Variants in OGFR observed in about 807,000 individuals in gnomAD.
The protein encoded by OGFR is opioid growth factor receptor, also known as protein 7-60.
A neutral mutation model predicts 33.6 loss-of-function variants in OGFR; 18 were observed. That is an observed-to-expected ratio of 0.54 (90% CI 0.37 to 0.80). The LOEUF (loss-of-function observed/expected upper bound fraction) is 0.80. Ranked by LOEUF, OGFR falls within the 30% of genes least tolerant of loss-of-function variation. OGFR has a pLI of 0.00. For synonymous variants in OGFR, 370 were observed against 400.7 expected (o/e 0.92, Z 0.91); for missense variants, 877 against 955.8 (o/e 0.92, Z 1.09).
At chr20:62,810,636 C>T (rs1990704766) in intron 5 of OGFR, 71 bp downstream of exon 5, 13 of 1,473,714 alleles carry the variant, frequency 8.8e-6, no homozygotes, top group Admixed American at 3.4e-5. Flanking sequence ...GCTGCAGAGA[C>T]GGGGTCGCCT....
chr20:62,812,977 G>A lies in OGFR; in HGVS notation c.1362G>A (p.Lys454=). The change falls in exon 7 of 7, where the codon AAG becomes AAA. Residue 454 remains lysine, a synonymous_variant. Coordinates refer to ENST00000290291, the MANE Select transcript of OGFR (RefSeq NM_007346.4). ...CCCTGGGAGCCAGGGTGGCCGACAA[G>A]GTGAGGAAGCGGAGGAAGGTGGATG... The part of the protein sequence containing the change: ...RQPLGARVAD[K]VRKRRKVDEG... 6.2e-7 allele frequency: 1 copy of A among 1,612,296 alleles called. No individual in the cohort carries two copies. Among genetic ancestry groups the A allele is most frequent in the Non-Finnish European group, 8.5e-7 (1 of 1,179,734 alleles).
chr20:62,808,947 C>T (rs551319041), intron 3 of OGFR, among the ~76,000 whole-genome samples: 148 of 133,876 alleles, frequency 1.1e-3, no homozygotes, highest in African/African-American at 3.9e-3. Context: ...TGCCCTCCAG[C>T]CTGGGCAACA....
In OGFR at chr20:62,813,629, G is replaced by A; in HGVS notation, c.2014G>A (p.Ala672Thr). ...ELQDAEVESS[A>T]KSGKP ...GCAGGACGCAGAGGTGGAGTCTTCT[G>A]CCAAGTCTGGGAAGCCTTAAGGAAA... is the stretch of plus-strand genomic sequence containing the variant. Residue 672 changes from alanine (A) to threonine (T), a missense_variant, in exon 7 of 7, where the codon GCC becomes ACC. Ala to Thr is a moderately conservative substitution (Grantham distance 58). Transcript: ENST00000290291. The A allele has an allele frequency of 6.2e-7, 1 of 1,612,656 alleles. No individual in the cohort carries two copies. The highest frequency in any genetic ancestry group is 8.5e-7 in the Non-Finnish European group (1 of 1,179,826).
intron 1 of OGFR, chr20:62,807,164 T>G: frequency 3.7e-6 from 1 of 268,334 alleles, no homozygotes. Flanking sequence ...AGGGTGGAGG[T>G]GGCCAGCAGG....
chr20:62,812,790 G>A lies in OGFR; in HGVS notation c.1175G>A (p.Arg392Gln), dbSNP rs748831200. 7 of 1,612,554 alleles carry A rather than the reference G, an allele frequency of 4.3e-6. No individual in the cohort carries two copies. Among genetic ancestry groups the A allele is most frequent in the African/African-American group, 1.3e-5 (1 of 75,056 alleles). Residue 392 changes from arginine to glutamine, a missense_variant, in exon 7 of 7, where the codon CGG (arginine) becomes CAG (glutamine). Coordinates refer to ENST00000290291, the MANE Select transcript of OGFR (RefSeq NM_007346.4). Reference protein sequence around the residue: ...SKKRKLELSRREQPPTEPGPQ... With the variant: ...SKKRKLELSRQEQPPTEPGPQ... The stretch of plus-strand genomic sequence containing the variant: ...AAGAGGAAGCTGGAGCTGAGCCGGC[G>A]GGAGCAGCCGCCCACAGAGCCAGGC...
intron 2 of OGFR, 140 bp from the exon 3 acceptor site, chr20:62,808,107 C>T (rs1990638162): frequency 6.6e-6 from 5 of 754,370 alleles, no homozygotes; most frequent in South Asian, 5.6e-5. Context: ...CCCCCACCTG[C>T]AGAGTGAGGA....
In OGFR at chr20:62,810,551, C is replaced by A. The variant is rs979341239; in HGVS notation, c.451C>A (p.Leu151Ile). ...GVNWHAKPLT[L>I]REVEVFKSSQ... The stretch of plus-strand genomic sequence containing the variant: ...GAACTGGCATGCCAAGCCCCTCACG[C>A]TCAGGGAGGTCGAGGTGAGCCAGGC... Residue 151 changes from leucine to isoleucine, a missense_variant, in exon 5 of 7, where the codon CTC becomes ATC. Coordinates refer to ENST00000290291, the MANE Select transcript of OGFR (RefSeq NM_007346.4). The A allele has an allele frequency of 6.2e-7, 1 of 1,612,866 alleles. No homozygotes were observed. Among genetic ancestry groups the A allele is most frequent in the African/African-American group, 1.3e-5 (1 of 74,950 alleles).
intron 2 of OGFR, 105 bp downstream of exon 2, chr20:62,807,710 C>T: frequency 1.7e-6 from 2 of 1,182,392 alleles, no homozygotes; most frequent in South Asian, 1.3e-5. Context: ...CTTGCTGTGC[C>T]AGGGCCACAG....
At chr20:62,805,055 G>T in intron 1 of OGFR, 25 bp downstream of exon 1, 1 of 1,303,906 alleles carries the variant, frequency 7.7e-7, no homozygotes, top group African/African-American at 1.6e-5. Context: ...CGCGGAAGAG[G>T]CCTGGGGTCC....
At chr20:62,809,396 G>A (rs943965767) in intron 3 of OGFR, among the ~76,000 whole-genome samples, 189 bp from the exon 4 acceptor site, 8 of 152,258 alleles carry the variant, frequency 5.3e-5, no homozygotes, top group African/African-American at 1.7e-4. Flanking sequence ...GGCAAGGGCT[G>A]TGCATCGGAG....
chr20:62,809,929 G>T (rs966662639), intron 4 of OGFR, among the ~76,000 whole-genome samples: 19 of 152,258 alleles, frequency 1.2e-4, no homozygotes, highest in Non-Finnish European at 2.1e-4. Flanking sequence ...AACAGGAGAG[G>T]GGGCAGGCAC....
At chr20:62,807,446 G>A in intron 1 of OGFR, 91 bp from the exon 2 acceptor site, 1 of 1,098,326 alleles carries the variant, frequency 9.1e-7, no homozygotes, top group Non-Finnish European at 1.4e-6. Context: ...CAGCTCTGTG[G>A]CAGCTGGCCC....
chr20:62,812,407 A>T lies in OGFR; in HGVS notation c.792A>T (p.Arg264=). ...ACTTCATGTTCGCCGTGCGCTGCCG[A>T]CACCAGCGCCGCCAGCTGGTGCACT... is the stretch of plus-strand genomic sequence containing the variant. The part of the protein sequence containing the change: ...LDYFMFAVRC[R]HQRRQLVHFA... Residue 264 remains arginine (R), a synonymous_variant, in exon 7 of 7, where the codon CGA becomes CGT. Transcript: ENST00000290291. 1 of 1,583,202 alleles carries T rather than the reference A, an allele frequency of 6.3e-7. No individual in the cohort carries two copies. The highest frequency in any genetic ancestry group is 1.3e-5 in the African/African-American group (1 of 74,258).
At chr20:62,808,354 G>A in intron 3 of OGFR, 29 bp downstream of exon 3, 10 of 1,566,534 alleles carry the variant, frequency 6.4e-6, no homozygotes, top group Non-Finnish European at 8.8e-6. Context: ...CTGGCAGCCG[G>A]CGCTTCCATC....
rs373512647 is a variant in OGFR at position 62,812,316 on chromosome 20, G to A, written c.701G>A (p.Arg234His). Residue 234 changes from arginine (R) to histidine (H), a missense_variant, in exon 7 of 7, where the codon CGC becomes CAC. By Grantham distance (29) the Arg-to-His change is conservative. This residue lies in a region of OGFR where 760 missense variants were observed against 736.0 expected (regional missense o/e 1.03). Coordinates refer to ENST00000290291, the MANE Select transcript of OGFR (RefSeq NM_007346.4). The stretch of plus-strand genomic sequence containing the variant: ...GAGCACTTCCAGGCGCCGCTGGTCC[G>A]CTTCTTCCTGGAGGAGACGCTGGTG... ...GLEHFQAPLV[R>H]FFLEETLVRR... 17 of 1,558,624 alleles carry A rather than the reference G, an allele frequency of 1.1e-5. No individual in the cohort carries two copies. The highest frequency in any genetic ancestry group is 4.1e-5 in the African/African-American group (3 of 73,444).
At position 62,805,300 on chromosome 20, in the gene OGFR, C is replaced by T. The variant is rs1568735882; in HGVS notation, c.171+270C>T. Among the ~76,000 whole-genome samples, 7 of 151,710 alleles carry T rather than the reference C, an allele frequency of 4.6e-5. No homozygotes were observed. In the South Asian group the frequency reaches 1.4e-3, roughly 31 times the overall value. ...CCCCGGGGGTGCCTCGGGCGCGTCC[C>T]GCCCCCAGCCGCCGTGGCCGCCCCT... On this transcript the variant is annotated intron_variant, in intron 1 of 6. Transcript: ENST00000290291.
chr20:62,810,378 C>T, intron 4 of OGFR, 121 bp from the exon 5 acceptor site: 6 of 920,098 alleles, frequency 6.5e-6, no homozygotes, highest in East Asian at 2.5e-5. Flanking sequence ...CCACTCCCTC[C>T]TAGAGTTGAG....
At chr20:62,807,881 T>TG in intron 2 of OGFR, 2 of 600,382 alleles carry the variant, frequency 3.3e-6, no homozygotes, top group Admixed American at 5.9e-5. Context: ...TGCACACGTG[T>TG]GGGGTCCGTG....
intron 5 of OGFR, among the ~76,000 whole-genome samples, chr20:62,810,928 G>A (rs1418565448): frequency 6.6e-6 from 1 of 152,364 alleles, no homozygotes; most frequent in East Asian, 1.9e-4. Context: ...TTAGAGAGCC[G>A]AGGGGCCCCT....
Sources: allele counts gnomAD v4.1 joint callset (sites outside exome capture counted in the v4.1 genomes callset), GRCh38; gene constraint gnomAD v4.1.1; regional missense constraint gnomAD v4.1.1; transcripts MANE v1.5; gene names NCBI Gene and HGNC (gene_info 2026-07-23, HGNC 2026-07-21).